RELN: variants seen among roughly 807,000 people sequenced by gnomAD.
RELN encodes the protein reelin.
RELN carries 108 observed loss-of-function variants against 427.6 expected under a neutral mutation model. The ratio of observed to expected loss-of-function variants is 0.25; its 90% confidence interval spans 0.22 to 0.30. The LOEUF (loss-of-function observed/expected upper bound fraction) is 0.30. Among genes scored for constraint, RELN ranks in the 10% least tolerant of loss-of-function variants. The probability of loss-of-function intolerance (pLI) is 1.00; values close to 1 mark genes in which losing one functional copy is unlikely to be tolerated. For synonymous variants in RELN, 1,524 were observed against 1,513.4 expected (o/e 1.01, Z -0.16); for missense variants, 3,715 against 4,302.8 (o/e 0.86, Z 3.82).
At chr7:103,885,548 T>C (rs914576518) in intron 2 of RELN, among the ~76,000 whole-genome samples, 1 of 151,882 alleles carries the variant, frequency 6.6e-6, no homozygotes, top group Non-Finnish European at 1.5e-5. Context: ...TGAGAACACA[T>C]GGACACAAGG....
chr7:103,587,799 G>C (rs887073317), intron 28 of RELN, among the ~76,000 whole-genome samples: 1 of 152,124 alleles, frequency 6.6e-6, no homozygotes, highest in Non-Finnish European at 1.5e-5. Context: ...CTAATCATCA[G>C]AGAAATGCAA....
intron 1 of RELN, among the ~76,000 whole-genome samples, chr7:103,983,863 C>CTCTGTGTGTG (rs1293300854): frequency 3.3e-4 from 49 of 148,538 alleles, no homozygotes; most frequent in African/African-American, 1.2e-3. Context: ...CTTCATATTT[C>CTCTGTGTGTG]TGTGTGTGTG....
At chr7:103,572,458 T>C (rs1830904145) in intron 30 of RELN, among the ~76,000 whole-genome samples, 198 bp from the exon 31 acceptor site, 1 of 152,210 alleles carries the variant, frequency 6.6e-6, no homozygotes, top group Non-Finnish European at 1.5e-5. Context: ...TTAATTAATA[T>C]GACCATTCAT....
At chr7:103,484,068 C>T (rs758208211) in intron 61 of RELN, 57 of 550,772 alleles carry the variant, frequency 1.0e-4, no homozygotes, top group Non-Finnish European at 1.5e-4. Flanking sequence ...TTAGTATAGA[C>T]GGGGTTTTGA....
chr7:103,910,539 C>T (rs575725636), intron 2 of RELN, among the ~76,000 whole-genome samples: 145 of 149,886 alleles, frequency 9.7e-4, no homozygotes, highest in Middle Eastern at 3.4e-3. Context: ...GAGCCCGCAT[C>T]GCCAAGTCAA....
At chr7:103,760,310 T>A (rs1484724462) in intron 4 of RELN, among the ~76,000 whole-genome samples, 4 of 152,024 alleles carry the variant, frequency 2.6e-5, no homozygotes, top group Non-Finnish European at 1.5e-5. Context: ...CTTTCAAAAG[T>A]TGAGCCTGCC....
intron 1 of RELN, among the ~76,000 whole-genome samples, chr7:103,949,789 G>C (rs1362965388): frequency 6.6e-6 from 1 of 151,998 alleles, no homozygotes; most frequent in Non-Finnish European, 1.5e-5. Flanking sequence ...AACTCAAAAA[G>C]AACAGTTTCC....
chr7:103,909,002 T>C (rs964135422), intron 2 of RELN, among the ~76,000 whole-genome samples: 1 of 152,240 alleles, frequency 6.6e-6, no homozygotes, highest in Non-Finnish European at 1.5e-5. Context: ...CTTCCGTGTT[T>C]CTTTGTAAAG....
chr7:103,712,900 A>G (rs1054311993), intron 8 of RELN, among the ~76,000 whole-genome samples: 3 of 151,886 alleles, frequency 2.0e-5, no homozygotes, highest in Non-Finnish European at 2.9e-5. Context: ...TTATTTGGTT[A>G]TATCATTCCC....
At chr7:103,664,205 G>T (rs1277103874) in intron 11 of RELN, among the ~76,000 whole-genome samples, 1 of 152,198 alleles carries the variant, frequency 6.6e-6, no homozygotes, top group African/African-American at 2.4e-5. Context: ...TTGGGGGAAT[G>T]ACCATAAACT....
In RELN at chr7:103,573,501, G is replaced by T. The variant is rs1293418398; in HGVS notation, c.4511+591C>A. ...AATATGACACAGGACCCCAGATTTTGTGAGGAGGTCTAAAAATTTTAAACA... is the reference window on the plus strand; with the variant it reads ...AATATGACACAGGACCCCAGATTTTTTGAGGAGGTCTAAAAATTTTAAACA... On this transcript the variant is annotated intron_variant, in intron 30 of 64. Transcript: ENST00000428762. This position sits in a 1 kb window ranked among gnomAD's most constrained non-coding sequence, Gnocchi z 4.4. Among the ~76,000 whole-genome samples, 1 of 152,206 alleles carries T rather than the reference G, an allele frequency of 6.6e-6. No individual in the cohort carries two copies. Among genetic ancestry groups the T allele is most frequent in the African/African-American group, 2.4e-5 (1 of 41,460 alleles).
intron 54 of RELN, 41 bp from the exon 55 acceptor site, chr7:103,497,967 GA>G: frequency 6.2e-7 from 1 of 1,604,246 alleles, no homozygotes; most frequent in Non-Finnish European, 8.5e-7. Flanking sequence ...TAATTCATTA[GA>G]ACAAATACTC....
chr7:103,488,507 C>T (rs1330527983), intron 60 of RELN, among the ~76,000 whole-genome samples: 2 of 152,196 alleles, frequency 1.3e-5, no homozygotes, highest in South Asian at 2.1e-4. Flanking sequence ...TAAGTAATTT[C>T]TAACATCAGA....
intron 2 of RELN, among the ~76,000 whole-genome samples, chr7:103,861,960 G>A (rs542030757): frequency 1.3e-5 from 2 of 152,196 alleles, no homozygotes; most frequent in Non-Finnish European, 2.9e-5. Context: ...AGAAGCAGAA[G>A]AGAGGAAGAA....
In RELN at chr7:103,542,876, G is replaced by A. The variant is rs1305459936; in HGVS notation, c.6526C>T (p.Gln2176Ter). The change falls in exon 43 of 65, where the codon CAG becomes TAG. Residue 2176 changes from glutamine to a stop codon, truncating the protein, a stop_gained and splice_region_variant. Coordinates refer to ENST00000428762, the MANE Select transcript of RELN (RefSeq NM_005045.4). LOFTEE classifies it high-confidence loss of function. The stretch of plus-strand genomic sequence containing the variant: ...AATAAGAATCTATCAGATTCTAGCT[G>A]ACCTGAAAAAATTGGAAAATATGGT... Reference protein sequence around the residue: ...PDFLKDDFEGQLESDRFLLMS... With the variant: ...PDFLKDDFEG 4 of 1,613,868 alleles carry A rather than the reference G, an allele frequency of 2.5e-6. No individual in the cohort carries two copies. The highest frequency in any genetic ancestry group is 1.3e-5 in the African/African-American group (1 of 74,922).
chr7:103,751,310 G>A (rs1790993735), intron 5 of RELN, among the ~76,000 whole-genome samples: 1 of 152,002 alleles, frequency 6.6e-6, no homozygotes. Flanking sequence ...TGAAATCACT[G>A]GGTAATTAAA....
At chr7:103,619,856 G>T (rs1832175927) in intron 20 of RELN, among the ~76,000 whole-genome samples, 1 of 151,976 alleles carries the variant, frequency 6.6e-6, no homozygotes, top group South Asian at 2.1e-4. Context: ...AGGAAAGTAA[G>T]AGTGTGTGTA....
intron 3 of RELN, among the ~76,000 whole-genome samples, chr7:103,781,884 G>A (rs1481434753): frequency 6.6e-6 from 1 of 151,096 alleles, no homozygotes; most frequent in Non-Finnish European, 1.5e-5. Flanking sequence ...TCACACTGAT[G>A]GTGTTATTAA....
intron 3 of RELN, among the ~76,000 whole-genome samples, chr7:103,802,386 T>C (rs999491448): frequency 3.3e-5 from 5 of 152,182 alleles, no homozygotes; most frequent in African/African-American, 9.6e-5. Flanking sequence ...AAAAGGTGTA[T>C]TAGGACATTT....
Sources: allele counts gnomAD v4.1 joint callset (sites outside exome capture counted in the v4.1 genomes callset), GRCh38; gene constraint gnomAD v4.1.1; non-coding constraint Gnocchi (gnomAD v3.1); transcripts MANE v1.5; gene names NCBI Gene and HGNC (gene_info 2026-07-23, HGNC 2026-07-21).